The following PPM1E variants were observed in gnomAD, a reference collection of about 807,000 sequenced individuals.
PPM1E encodes the protein protein phosphatase, Mg2+/Mn2+ dependent 1E.
PPM1E carries 20 observed loss-of-function variants against 65.9 expected under a neutral mutation model. The observed-to-expected ratio is 0.30, with a 90% CI of 0.21 to 0.44. PPM1E has a LOEUF of 0.44. Ranked by LOEUF, PPM1E falls within the 20% of genes least tolerant of loss-of-function variation. The pLI is 1.00. For synonymous variants in PPM1E, 352 were observed against 374.9 expected (o/e 0.94, Z 0.70); for missense variants, 713 against 953.1 (o/e 0.75, Z 3.32).
intron 1 of PPM1E, among the ~76,000 whole-genome samples, chr17:58,887,559 A>G (rs976055633): frequency 6.6e-6 from 1 of 152,248 alleles, no homozygotes; most frequent in African/African-American, 2.4e-5. Flanking sequence ...CAGAGGAATC[A>G]ATAAGTATAG....
chr17:58,935,360 A>C (rs1323215590), intron 1 of PPM1E, among the ~76,000 whole-genome samples: 1 of 152,186 alleles, frequency 6.6e-6, no homozygotes, highest in Admixed American at 6.5e-5. Flanking sequence ...AGGAGGAACT[A>C]TCAAAGGAGA....
chr17:58,938,229 G>A (rs900267273), intron 1 of PPM1E, among the ~76,000 whole-genome samples: 1 of 152,160 alleles, frequency 6.6e-6, no homozygotes, highest in Non-Finnish European at 1.5e-5. Flanking sequence ...TGACTTTAGA[G>A]TTATTTTATT....
chr17:58,773,725 G>A (rs1451377649), intron 1 of PPM1E, among the ~76,000 whole-genome samples: 1 of 152,044 alleles, frequency 6.6e-6, no homozygotes, highest in Non-Finnish European at 1.5e-5. Flanking sequence ...AAATTATTAG[G>A]CAGTGTTTCT....
At position 58,771,715 on chromosome 17, in the gene PPM1E, G is replaced by A. The variant is rs536151284; in HGVS notation, c.464+15254G>A. Among the ~76,000 whole-genome samples, 150 of 151,900 alleles carry A rather than the reference G, an allele frequency of 9.9e-4. 1 individual carries two copies. The highest frequency in any genetic ancestry group is 3.4e-3 in the African/African-American group (142 of 41,438). On this transcript the variant is annotated intron_variant, in intron 1 of 6. Transcript: ENST00000308249. ...TTTAAAAAAAAAATGACATCAATGA[G>A]TTTATTTTCTTATTCATTTGTTTTC...
At chr17:58,922,598 T>C (rs1364953636) in intron 1 of PPM1E, among the ~76,000 whole-genome samples, 1 of 152,148 alleles carries the variant, frequency 6.6e-6, no homozygotes, top group African/African-American at 2.4e-5. Context: ...TCCATTGTAT[T>C]TCACCTGTGC....
intron 1 of PPM1E, among the ~76,000 whole-genome samples, chr17:58,861,680 C>G (rs1035421673): frequency 2.0e-5 from 3 of 152,114 alleles, no homozygotes; most frequent in Non-Finnish European, 2.9e-5. Context: ...AATCCCAGCA[C>G]TTGGGGAGGC....
In PPM1E at chr17:58,756,260, A is replaced by T; in HGVS notation, c.263A>T (p.Glu88Val). 6.5e-7 allele frequency: 1 copy of T among 1,549,452 alleles called. No individual in the cohort carries two copies. The highest frequency in any genetic ancestry group is 8.7e-7 in the Non-Finnish European group (1 of 1,146,328). ...EGDQEQDPEP[E>V]EEAAVEGEEE... is the part of the protein sequence containing the mutation. ...GACCAGGAGCAAGACCCGGAGCCCG[A>T]GGAGGAGGCGGCGGTTGAGGGTGAG... The change falls in exon 1 of 7, where the codon GAG (glutamate) becomes GTG (valine). Residue 88 changes from glutamate to valine, a missense_variant. By Grantham distance (121) the Glu-to-Val change is moderately radical. This residue lies in a region of PPM1E where 212 missense variants were observed against 204.0 expected (regional missense o/e 1.04). Coordinates refer to ENST00000308249, the MANE Select transcript of PPM1E (RefSeq NM_014906.5).
chr17:58,908,478 T>G (rs570019230), intron 1 of PPM1E, among the ~76,000 whole-genome samples: 1 of 151,972 alleles, frequency 6.6e-6, no homozygotes, highest in South Asian at 2.1e-4. Context: ...TTGCTCTTGT[T>G]GCCCAAGCAG....
chr17:58,781,139 CTTTT>C (rs35359689), intron 1 of PPM1E, among the ~76,000 whole-genome samples: 5 of 123,126 alleles, frequency 4.1e-5, no homozygotes, highest in Non-Finnish European at 1.7e-5. Flanking sequence ...GTGCAGATGT[CTTTT>C]TTTTTTTTTT....
In PPM1E at chr17:58,983,743, T is replaced by TA. The variant is rs1555626269; in HGVS notation, c.*2715dup. The TA allele has an allele frequency of 6.5e-6, 1 of 152,680 alleles. No individual in the cohort carries two copies. Among genetic ancestry groups the TA allele is most frequent in the Non-Finnish European group, 1.5e-5 (1 of 68,048 alleles). The allele number at this position is 152,680 out of a possible 1,614,324, so 9.5% of individuals were successfully genotyped here. On this transcript the variant is annotated 3_prime_UTR_variant, in exon 7 of 7. Transcript: ENST00000308249. ...TGGTGAAAGTTCTACACTCAATCCT[T>TA]AAAGAGTGGCAGTATCCCTTTTTCA... is the stretch of plus-strand genomic sequence containing the variant.
At chr17:58,775,738 C>A (rs2049987029) in intron 1 of PPM1E, among the ~76,000 whole-genome samples, 1 of 149,254 alleles carries the variant, frequency 6.7e-6, no homozygotes, top group Non-Finnish European at 1.5e-5. Context: ...CAAGGTGAAA[C>A]CCCGTCTCTA....
intron 1 of PPM1E, among the ~76,000 whole-genome samples, chr17:58,770,307 A>G (rs2144169363): frequency 6.6e-6 from 1 of 152,280 alleles, no homozygotes; most frequent in Non-Finnish European, 1.5e-5. Flanking sequence ...ATCCTTGACT[A>G]TCAAGGAAAA....
At chr17:58,820,427 G>C (rs1315288082) in intron 1 of PPM1E, among the ~76,000 whole-genome samples, 2 of 152,128 alleles carry the variant, frequency 1.3e-5, no homozygotes. Context: ...TTGCTGCCAG[G>C]ATTAAAGAAG....
chr17:58,807,799 C>T (rs571900414), intron 1 of PPM1E, among the ~76,000 whole-genome samples: 2 of 152,242 alleles, frequency 1.3e-5, no homozygotes, highest in East Asian at 3.9e-4. Flanking sequence ...AGGTACTTAA[C>T]CTCATTTGAG....
chr17:58,912,061 G>A (rs554854441), intron 1 of PPM1E, among the ~76,000 whole-genome samples: 2 of 152,248 alleles, frequency 1.3e-5, no homozygotes, highest in African/African-American at 2.4e-5. Flanking sequence ...GGGTTGAACT[G>A]TACAATCTAA....
At position 58,904,602 on chromosome 17, in the gene PPM1E, G is replaced by A. The variant is rs191437694; in HGVS notation, c.465-51047G>A. Among the ~76,000 whole-genome samples the A allele has an allele frequency of 1.9e-3, 295 of 152,114 alleles. 2 individuals are homozygous for A. The highest frequency in any genetic ancestry group is 3.2e-3 in the Non-Finnish European group (220 of 68,010). On this transcript the variant is annotated intron_variant, in intron 1 of 6. Transcript: ENST00000308249. ...ATTTATAGATCAAATGGGAATAACTGGCATCTTGACAATATTGAGTCTCCC... is the reference window on the plus strand; with the variant it reads ...ATTTATAGATCAAATGGGAATAACTAGCATCTTGACAATATTGAGTCTCCC...
chr17:58,784,008 G>A (rs1416074783), intron 1 of PPM1E, among the ~76,000 whole-genome samples: 3 of 151,444 alleles, frequency 2.0e-5, no homozygotes, highest in African/African-American at 7.3e-5. Context: ...ACCGTGCCCG[G>A]CCTGTTTTTT....
chr17:58,812,439 G>A (rs766487305), intron 1 of PPM1E, among the ~76,000 whole-genome samples: 1 of 151,798 alleles, frequency 6.6e-6, no homozygotes, highest in Admixed American at 6.6e-5. Context: ...GATTGAAGTC[G>A]TTGCACATCA....
intron 1 of PPM1E, among the ~76,000 whole-genome samples, chr17:58,773,281 A>G (rs1056755658): frequency 6.6e-6 from 1 of 152,194 alleles, no homozygotes; most frequent in East Asian, 1.9e-4. Flanking sequence ...ACCATGACCT[A>G]TAAATCAACA....
Sources: gnomAD v4.1 joint callset for allele counts (sites outside exome capture counted in the v4.1 genomes callset) on GRCh38, gnomAD v4.1.1 for gene constraint, gnomAD v4.1.1 regional missense constraint, MANE v1.5 for transcripts, NCBI Gene and HGNC (gene_info 2026-07-23, HGNC 2026-07-21) for gene names.